Variants in CCSER1 observed in about 807,000 individuals in gnomAD.
CCSER1 encodes coiled-coil serine rich protein 1.
Under a neutral mutation model 82.0 loss-of-function variants are expected in CCSER1, and 41 were observed. The ratio of observed to expected loss-of-function variants is 0.50; its 90% CI spans 0.39 to 0.65. The LOEUF is 0.65. CCSER1 is among the 30% of genes least tolerant of loss of function. CCSER1 has a pLI of 0.00. For missense variants in CCSER1, 1,119 were observed against 1,064.2 expected, an observed-to-expected ratio of 1.05 and a Z score of -0.72; for synonymous variants, 414 against 383.9, an observed-to-expected ratio of 1.08 and a Z score of -0.92.
intron 9 of CCSER1, among the ~76,000 whole-genome samples, chr4:91,062,412 C>T (rs1475039882): frequency 6.6e-6 from 1 of 151,954 alleles, no homozygotes; most frequent in Non-Finnish European, 1.5e-5. Context: ...TCACTCTGTC[C>T]CTGAAGGATG....
chr4:91,337,807 G>T (rs1023264609), intron 10 of CCSER1, among the ~76,000 whole-genome samples: 1 of 152,070 alleles, frequency 6.6e-6, no homozygotes, highest in African/African-American at 2.4e-5. Flanking sequence ...ATATATCAGG[G>T]TTTAATAATA....
chr4:91,166,529 A>T (rs1343359419), intron 10 of CCSER1, among the ~76,000 whole-genome samples: 1 of 152,224 alleles, frequency 6.6e-6, no homozygotes, highest in African/African-American at 2.4e-5. Flanking sequence ...TCTACTTTTT[A>T]AAATGTTGTT....
chr4:90,486,263 A>G (rs1158592413), intron 5 of CCSER1, among the ~76,000 whole-genome samples: 2 of 152,038 alleles, frequency 1.3e-5, no homozygotes, highest in African/African-American at 2.4e-5. Flanking sequence ...TTCTTGATCT[A>G]TCTGGACTAT....
At chr4:90,402,038 C>T (rs1490871536) in intron 4 of CCSER1, among the ~76,000 whole-genome samples, 1 of 152,074 alleles carries the variant, frequency 6.6e-6, no homozygotes, top group African/African-American at 2.4e-5. Context: ...TATCCCCGTC[C>T]CAGAAGAAAT....
intron 3 of CCSER1, among the ~76,000 whole-genome samples, chr4:90,330,206 T>A (rs1302291215): frequency 6.6e-6 from 1 of 152,186 alleles, no homozygotes; most frequent in Non-Finnish European, 1.5e-5. Flanking sequence ...GGAAGGATAC[T>A]TCCACCAGTA....
intron 10 of CCSER1, among the ~76,000 whole-genome samples, chr4:91,335,527 A>G (rs1467208028): frequency 2.0e-5 from 3 of 152,124 alleles, no homozygotes; most frequent in African/African-American, 7.2e-5. Flanking sequence ...AAATAAGGCA[A>G]TGTTGGAGAA....
intron 10 of CCSER1, among the ~76,000 whole-genome samples, chr4:91,118,297 T>C (rs1726805724): frequency 6.6e-6 from 1 of 150,602 alleles, no homozygotes; most frequent in South Asian, 2.1e-4. Context: ...TTTTTTTTTT[T>C]TTTTTTGAGA....
intron 6 of CCSER1, among the ~76,000 whole-genome samples, chr4:90,647,292 T>A (rs943077081): frequency 6.6e-6 from 1 of 152,158 alleles, no homozygotes; most frequent in African/African-American, 2.4e-5. Context: ...TTATAATTTT[T>A]GAGAGTAAGA....
chr4:90,191,703 G>T (rs1735666253), intron 1 of CCSER1, among the ~76,000 whole-genome samples: 1 of 152,062 alleles, frequency 6.6e-6, no homozygotes, highest in South Asian at 2.1e-4. Context: ...CCTCTCCTAA[G>T]GAGAAGAAAT....
intron 5 of CCSER1, among the ~76,000 whole-genome samples, chr4:90,481,472 G>C (rs1765950555): frequency 6.6e-6 from 1 of 152,146 alleles, no homozygotes; most frequent in South Asian, 2.1e-4. Context: ...AATGCTTCCA[G>C]TTTTTGTCCA....
At chr4:91,474,783 T>TTTG (rs1757478069) in intron 10 of CCSER1, among the ~76,000 whole-genome samples, 2 of 104,378 alleles carry the variant, frequency 1.9e-5, no homozygotes, top group African/African-American at 7.1e-5. Flanking sequence ...ATATATATAT[T>TTTG]TGTGTATATA....
At chr4:90,271,316 A>G (rs1226275869) in intron 1 of CCSER1, among the ~76,000 whole-genome samples, 1 of 152,168 alleles carries the variant, frequency 6.6e-6, no homozygotes, top group Non-Finnish European at 1.5e-5. Flanking sequence ...AGCATAATTG[A>G]GAAACCAGAA....
intron 8 of CCSER1, among the ~76,000 whole-genome samples, chr4:90,914,213 A>T (rs1726912250): frequency 6.6e-6 from 1 of 152,214 alleles, no homozygotes. Context: ...CCCACACTGC[A>T]CTTATTCCAA....
chr4:90,359,382 C>T (rs1744894926), intron 3 of CCSER1, among the ~76,000 whole-genome samples: 1 of 151,978 alleles, frequency 6.6e-6, no homozygotes, highest in Non-Finnish European at 1.5e-5. Context: ...TATTTATTTG[C>T]CAAAACTAGT....
chr4:90,640,050 T>C (rs1726200266), intron 6 of CCSER1, among the ~76,000 whole-genome samples: 4 of 152,098 alleles, frequency 2.6e-5, no homozygotes, highest in Admixed American at 1.3e-4. Context: ...AGAGAAAATA[T>C]TGCTTCAAGA....
At chr4:90,675,526 G>T in intron 6 of CCSER1, among the ~76,000 whole-genome samples, 1 of 151,738 alleles carries the variant, frequency 6.6e-6, no homozygotes, top group Non-Finnish European at 1.5e-5. Flanking sequence ...TAATGTTAGT[G>T]TATATCTTAT....
At chr4:91,018,619 T>G (rs1408807518) in intron 9 of CCSER1, among the ~76,000 whole-genome samples, 1 of 152,104 alleles carries the variant, frequency 6.6e-6, no homozygotes, top group African/African-American at 2.4e-5. Context: ...GGCATCTGCT[T>G]ACCCTTTGGT....
intron 9 of CCSER1, among the ~76,000 whole-genome samples, chr4:90,976,496 G>C (rs1441625998): frequency 6.6e-6 from 1 of 150,766 alleles, no homozygotes; most frequent in Admixed American, 6.6e-5. Flanking sequence ...TAAGAATTAA[G>C]ATTAAAAAAA....
chr4:91,216,503 G>A lies in CCSER1; in HGVS notation c.2217+130509G>A, dbSNP rs887561361. Among the ~76,000 whole-genome samples, 3 of 152,162 alleles carry A rather than the reference G, an allele frequency of 2.0e-5. No homozygotes were observed. In the South Asian group the frequency reaches 6.2e-4, roughly 32 times the overall value. ...CCCGGCTAATTTTTTTGTGTTTTTA[G>A]TAGAGACGGGGTTTCACCGTGTTAG... On this transcript the variant is annotated intron_variant, in intron 10 of 10. Transcript: ENST00000509176.
Sources: gnomAD v4.1 joint callset for allele counts (sites outside exome capture counted in the v4.1 genomes callset) on GRCh38, gnomAD v4.1.1 for gene constraint, MANE v1.5 for transcripts, NCBI Gene and HGNC (gene_info 2026-07-23, HGNC 2026-07-21) for gene names.